Variants in ODR4 observed in about 807,000 individuals in gnomAD.
The protein encoded by ODR4 is protein odr-4 homolog.
Under a neutral mutation model 60.2 loss-of-function variants are expected in ODR4, and 47 were observed. That is an observed-to-expected ratio of 0.78 (90% confidence interval 0.62 to 1.00). The LOEUF is 1.00. Ranked by LOEUF, ODR4 falls within the 50% of genes least tolerant of loss-of-function variation. ODR4 has a pLI of 0.00. For missense variants in ODR4, 488 were observed against 530.8 expected (o/e 0.92, Z 0.79); for synonymous variants, 178 against 175.5 (o/e 1.01, Z -0.11).
chr1:186,408,845 A>T (rs1340742525), intron 12 of ODR4, among the ~76,000 whole-genome samples: 1 of 152,022 alleles, frequency 6.6e-6, no homozygotes, highest in East Asian at 1.9e-4. Flanking sequence ...ATAAAAGAAT[A>T]GGAAGAGAGA....
In ODR4 at chr1:186,409,057, TA is replaced by T. The variant is rs1040859116; in HGVS notation, c.1186+2797del. ...TTCTTTCTTTACATTGCTAAGACAT[TA>T]AAAAAAATTAACTTGGGCAACATGG... On this transcript the variant is annotated intron_variant, in intron 12 of 13. Transcript: ENST00000287859. Among the ~76,000 whole-genome samples the T allele has an allele frequency of 9.9e-5, 15 of 151,774 alleles. No homozygotes were observed. The South Asian group carries it at 2.1e-3, about 21-fold the overall frequency.
chr1:186,390,986 T>C (rs1375043829), intron 7 of ODR4, 135 bp downstream of exon 7: 2 of 928,722 alleles, frequency 2.2e-6, no homozygotes, highest in Admixed American at 6.2e-5. Flanking sequence ...GAGTAACTTA[T>C]TACCGCAGCC....
At chr1:186,396,575 C>T (rs1448278118) in intron 9 of ODR4, among the ~76,000 whole-genome samples, 1 of 152,114 alleles carries the variant, frequency 6.6e-6, no homozygotes, top group African/African-American at 2.4e-5. Context: ...CATCACTGTA[C>T]TCTAGGCTGG....
At chr1:186,424,125 G>A (rs1661844384), downstream of ODR4, among the ~76,000 whole-genome samples, 1 of 152,156 alleles carries the variant, frequency 6.6e-6, no homozygotes, top group African/African-American at 2.4e-5. Flanking sequence ...ATGTGAGAAT[G>A]CTTGTGGCAG....
intron 6 of ODR4, 93 bp from the exon 7 acceptor site, chr1:186,390,618 G>A (rs3115752): frequency 0.066 from 85,610 of 1,299,040 alleles, 3,165 homozygotes; most frequent in Middle Eastern, 0.096. Context: ...GTTTGTATGC[G>A]TTATTTAGGT....
At chr1:186,395,657 A>T (rs1660642561) in intron 9 of ODR4, among the ~76,000 whole-genome samples, 1 of 152,174 alleles carries the variant, frequency 6.6e-6, no homozygotes, top group South Asian at 2.1e-4. Context: ...GTCTCTCTTC[A>T]TCTATACATT....
At chr1:186,401,179 GA>G in intron 11 of ODR4, 1 of 1,585,034 alleles carries the variant, frequency 6.3e-7, no homozygotes, top group Non-Finnish European at 8.6e-7. Flanking sequence ...TTAGTACTTT[GA>G]AATTTTTGCT....
At chr1:186,421,861 C>CAAAAA (rs781496268), downstream of ODR4, among the ~76,000 whole-genome samples, 2 of 29,306 alleles carry the variant, frequency 6.8e-5, no homozygotes, top group East Asian at 1.0e-3. Context: ...GACTCTATCT[C>CAAAAA]AAAAAAAAAA....
At chr1:186,380,866 C>G (rs192477571) in intron 2 of ODR4, among the ~76,000 whole-genome samples, 2 of 152,234 alleles carry the variant, frequency 1.3e-5, no homozygotes, top group South Asian at 4.1e-4. Context: ...CTCAAGTGTT[C>G]AGATGCCTTC....
chr1:186,432,850 G>T, the ODR4 span, among the ~76,000 whole-genome samples: 13 of 151,290 alleles, frequency 8.6e-5, no homozygotes, highest in African/African-American at 3.2e-4. Flanking sequence ...CAATGGTGTG[G>T]TCTCGGCTCA....
chr1:186,432,385 TGA>T, the ODR4 span, among the ~76,000 whole-genome samples: 1 of 152,222 alleles, frequency 6.6e-6, no homozygotes, highest in Non-Finnish European at 1.5e-5. Flanking sequence ...AAAGATTATA[TGA>T]GTTTAATAAA....
intron 2 of ODR4, among the ~76,000 whole-genome samples, chr1:186,381,373 CT>C (rs1472302200): frequency 6.6e-6 from 1 of 151,014 alleles, no homozygotes; most frequent in African/African-American, 2.5e-5. Context: ...GTCGCCCAGG[CT>C]GGAGTGCAGT....
intron 6 of ODR4, 148 bp from the exon 7 acceptor site, chr1:186,390,563 C>T: frequency 1.3e-6 from 1 of 765,754 alleles, no homozygotes; most frequent in Non-Finnish European, 2.1e-6. Flanking sequence ...TTAGTTCAAC[C>T]TATAGTCTTT....
At chr1:186,393,514 C>T (rs570485564) in intron 8 of ODR4, among the ~76,000 whole-genome samples, 3 of 152,290 alleles carry the variant, frequency 2.0e-5, no homozygotes, top group East Asian at 3.9e-4. Context: ...CTTTTGTGAT[C>T]TCTCACTTTT....
chr1:186,387,165 G>C (rs1660284762), intron 4 of ODR4, among the ~76,000 whole-genome samples: 1 of 152,034 alleles, frequency 6.6e-6, no homozygotes, highest in African/African-American at 2.4e-5. Flanking sequence ...TTTCAGTCTT[G>C]TAACCTGTCC....
In ODR4 at chr1:186,383,073, G is replaced by A; in HGVS notation, c.151G>A (p.Glu51Lys). The A allele has an allele frequency of 1.3e-6, 2 of 1,575,646 alleles. No homozygotes were observed. The highest frequency in any genetic ancestry group is 1.2e-5 in the South Asian group (1 of 85,622). ...TCTTGCCACTAGAACGCCACCCAAA[G>A]AGGAGCAAAGTGAGAACCTCAAACA... is the stretch of plus-strand genomic sequence containing the variant. ...VILATRTPPK[E>K]EQSENLKHPK... Residue 51 changes from glutamate (E) to lysine (K), a missense_variant, in exon 3 of 14, where the codon GAG becomes AAG. By Grantham distance (56) the Glu-to-Lys change is moderately conservative. Coordinates refer to ENST00000287859, the MANE Select transcript of ODR4 (RefSeq NM_017847.6).
intron 1 of ODR4, among the ~76,000 whole-genome samples, chr1:186,377,068 A>T (rs1287748262): frequency 6.6e-6 from 1 of 152,194 alleles, no homozygotes; most frequent in African/African-American, 2.4e-5. Context: ...TATGAAATCC[A>T]TGGATGCTCC....
the ODR4 span, among the ~76,000 whole-genome samples, chr1:186,428,041 T>A: frequency 6.6e-6 from 1 of 152,158 alleles, no homozygotes; most frequent in Non-Finnish European, 1.5e-5. Flanking sequence ...GCCCTAGGAT[T>A]TTTGGAATGG....
intron 9 of ODR4, among the ~76,000 whole-genome samples, chr1:186,396,153 T>A (rs75385973): frequency 1.3e-5 from 2 of 152,226 alleles, no homozygotes; most frequent in African/African-American, 4.8e-5. Flanking sequence ...GGATCTTCTC[T>A]TTTTCAAATG....
Sources: gnomAD v4.1 joint callset for allele counts (sites outside exome capture counted in the v4.1 genomes callset) on GRCh38, gnomAD v4.1.1 for gene constraint, MANE v1.5 for transcripts, NCBI Gene and HGNC (gene_info 2026-07-23, HGNC 2026-07-21) for gene names.